The following DHPS variants were observed in gnomAD, a reference collection of about 807,000 sequenced individuals.
DHPS encodes the protein deoxyhypusine synthase, also known as migration-inducing gene 13.
A neutral mutation model predicts 38.7 loss-of-function variants in DHPS; 24 were observed. The ratio of observed to expected loss-of-function variants is 0.62; its 90% CI spans 0.45 to 0.87. DHPS has a LOEUF of 0.87. DHPS is among the 40% of genes least tolerant of loss of function. The probability of loss-of-function intolerance (pLI) is 0.00; values close to 1 mark genes in which losing one functional copy is unlikely to be tolerated. For missense variants in DHPS, 510 were observed against 497.6 expected (o/e 1.02, Z -0.24); for synonymous variants, 250 against 204.4 (o/e 1.22, Z -1.90).
intron 1 of DHPS, chr19:12,681,199 G>A (rs1253897134): frequency 5.7e-6 from 7 of 1,227,108 alleles, no homozygotes; most frequent in East Asian, 1.2e-4. Context: ...GCTGGGAAAA[G>A]CAAATCTAAA....
chr19:12,678,270 AAG>A (rs1460855849), intron 5 of DHPS, among the ~76,000 whole-genome samples: 1 of 151,822 alleles, frequency 6.6e-6, no homozygotes, highest in Non-Finnish European at 1.5e-5. Context: ...AAAAAAAAAA[AAG>A]AGCCAGCTTG....
chr19:12,676,356 G>A (rs1373071917), intron 7 of DHPS: 1 of 611,708 alleles, frequency 1.6e-6, no homozygotes, highest in Admixed American at 3.3e-5. Context: ...CAACAGCCAG[G>A]TGTCAACAAC....
In DHPS at chr19:12,676,420, CCAA is replaced by C. The variant is rs2024590838; in HGVS notation, c.889-281_889-279del. 4 of 425,136 alleles carry C rather than the reference CCAA, an allele frequency of 9.4e-6. No individual in the cohort carries two copies. In the South Asian group the frequency reaches 1.1e-4, roughly 11 times the overall value. 26.3% of individuals were successfully genotyped at this position (425,136 alleles called of 1,614,324 possible). ...CAGCAACTCTATCTTCAGAAGCCCT[CCAA>C]ATCCAACCACCGCCTGCCTCCTGAT... On this transcript the variant is annotated intron_variant, in intron 7 of 8. Coordinates refer to ENST00000210060, the MANE Select transcript of DHPS (RefSeq NM_001930.4).
chr19:12,677,850 C>A (rs2024670655), intron 5 of DHPS, among the ~76,000 whole-genome samples: 1 of 151,830 alleles, frequency 6.6e-6, no homozygotes, highest in South Asian at 2.1e-4. Context: ...CCATGTTGGC[C>A]AGGCTGGTCT....
At chr19:12,673,457 G>A (rs563652545), downstream of DHPS, 721 of 607,226 alleles carry the variant, frequency 1.2e-3, no homozygotes, top group Non-Finnish European at 1.5e-3. Flanking sequence ...TTGCTCTGTC[G>A]CCCAGGCTAG....
chr19:12,676,984 T>TAGAA (rs2024613941), intron 7 of DHPS, 124 bp downstream of exon 7: 1 of 841,684 alleles, frequency 1.2e-6, no homozygotes, highest in South Asian at 1.5e-5. Flanking sequence ...TCTCCCCTAC[T>TAGAA]AGAACATCAG....
chr19:12,673,247 G>A (rs1344681081), downstream of DHPS: 1 of 1,613,984 alleles, frequency 6.2e-7, no homozygotes, highest in Admixed American at 1.7e-5. Context: ...ACTGCTGCCT[G>A]AGCGAGCGTG....
At chr19:12,678,952 A>T (rs1260956306) in intron 5 of DHPS, among the ~76,000 whole-genome samples, 2 of 151,214 alleles carry the variant, frequency 1.3e-5, no homozygotes, top group African/African-American at 4.9e-5. Flanking sequence ...GTCTGGGAGG[A>T]GCATAAGGAT....
Position 12,676,022 on chromosome 19 carries a change from C to CCCAGCCA in DHPS, c.1008_1009insTGGCTGG (p.Val337TrpfsTer8). On this transcript the variant is annotated frameshift_variant, in exon 8 of 9. Coordinates refer to ENST00000210060, the MANE Select transcript of DHPS (RefSeq NM_001930.4). LOFTEE classifies it high-confidence loss of function. ...CCCACCCAGCCAGCGCTTACCTTGA[C>CCCAGCCA]GGGCTGTGCATCCACCCGGATCTTG... is the stretch of plus-strand genomic sequence containing the variant. 6.2e-7 allele frequency: 1 copy of CCCAGCCA among 1,613,748 alleles called. No individual in the cohort carries two copies. Among genetic ancestry groups the CCCAGCCA allele is most frequent in the Non-Finnish European group, 8.5e-7 (1 of 1,179,776 alleles).
intron 1 of DHPS, 74 bp downstream of exon 1, chr19:12,681,485 TG>T: frequency 6.5e-7 from 1 of 1,532,280 alleles, no homozygotes; most frequent in Non-Finnish European, 9.0e-7. Context: ...CTGGAAACGC[TG>T]CCCCCGTCTA....
chr19:12,676,233 G>A, intron 7 of DHPS, 91 bp from the exon 8 acceptor site: 8 of 1,438,280 alleles, frequency 5.6e-6, no homozygotes, highest in Middle Eastern at 2.4e-4. Context: ...AGGCTGAGAG[G>A]TGTGTCCCAG....
At chr19:12,673,215 A>G, downstream of DHPS, 1 of 1,613,970 alleles carries the variant, frequency 6.2e-7, no homozygotes, top group Non-Finnish European at 8.5e-7. Flanking sequence ...CAAGGGCCAT[A>G]AGAACCAGGA....
At chr19:12,673,929 AC>A (rs1282064561), downstream of DHPS, among the ~76,000 whole-genome samples, 1 of 151,984 alleles carries the variant, frequency 6.6e-6, no homozygotes, top group Non-Finnish European at 1.5e-5. Flanking sequence ...CAAACTCCTG[AC>A]CTCAAGTGAT....
downstream of DHPS, among the ~76,000 whole-genome samples, chr19:12,674,098 G>A (rs553850033): frequency 1.3e-3 from 192 of 152,324 alleles, no homozygotes; most frequent in Non-Finnish European, 2.2e-3. Flanking sequence ...AGGAAACAAA[G>A]GCTTCAGGGT....
chr19:12,675,996 C>G, intron 8 of DHPS, 21 bp downstream of exon 8: 2 of 1,610,972 alleles, frequency 1.2e-6, no homozygotes, highest in Non-Finnish European at 1.7e-6. Context: ...AGACCCTATG[C>G]CCCACCCAGC....
rs1013667756 is a variant in DHPS, at chr19:12,679,423, A to C, written c.678+34T>G. On this transcript the variant is annotated intron_variant, in intron 5 of 8. Transcript: ENST00000210060. The stretch of plus-strand genomic sequence containing the variant: ...GATGAAATAAGTTAACACATGCCAA[A>C]GTCTGGCTACTTTGCTCCCGCTTAG... 1.9e-6 allele frequency: 3 copies of C among 1,599,068 alleles called. No homozygotes were observed. In the African/African-American group the frequency reaches 4.0e-5, roughly 21 times the overall value.
At chr19:12,681,125 C>A (rs1296565762) in intron 1 of DHPS, 1 of 1,278,498 alleles carries the variant, frequency 7.8e-7, no homozygotes, top group African/African-American at 1.5e-5. Context: ...CGCCACCGCG[C>A]CCAGCCAGCC....
At chr19:12,672,810 T>C (rs1158681399), downstream of DHPS, 1 of 1,553,548 alleles carries the variant, frequency 6.4e-7, no homozygotes, top group Non-Finnish European at 8.7e-7. Context: ...CATGTGAGTG[T>C]AGTCAAGGTT....
downstream of DHPS, chr19:12,672,617 G>C: frequency 3.6e-6 from 2 of 563,346 alleles, no homozygotes; most frequent in Non-Finnish European, 6.4e-6. Flanking sequence ...TCAAACAAAA[G>C]GAAGAAAAGG....
Sources: allele counts gnomAD v4.1 joint callset (sites outside exome capture counted in the v4.1 genomes callset), GRCh38; gene constraint gnomAD v4.1.1; transcripts MANE v1.5; gene names NCBI Gene and HGNC (gene_info 2026-07-23, HGNC 2026-07-21).